The following COL4A2 variants were observed in gnomAD, a reference collection of about 807,000 sequenced individuals.
The protein encoded by COL4A2 is collagen type IV alpha 2 chain, also known as collagen alpha-2(IV) chain.
COL4A2 carries 99 observed loss-of-function variants against 200.2 expected under a neutral mutation model. The ratio of observed to expected loss-of-function variants is 0.49; its 90% CI spans 0.42 to 0.58. COL4A2 has a LOEUF of 0.58. Among genes scored for constraint, COL4A2 ranks in the 20% least tolerant of loss-of-function variants. The pLI is 0.00. For synonymous variants in COL4A2, 897 were observed against 900.6 expected (o/e 1.00, Z 0.07); for missense variants, 1,950 against 2,314.1 (o/e 0.84, Z 3.23).
At chr13:110,409,512 C>T (rs991294831) in intron 4 of COL4A2, among the ~76,000 whole-genome samples, 8 of 152,240 alleles carry the variant, frequency 5.3e-5, no homozygotes, top group East Asian at 1.9e-4. Flanking sequence ...GGGAGCAGCA[C>T]GGCTGCACTC....
intron 30 of COL4A2, among the ~76,000 whole-genome samples, chr13:110,479,219 G>T (rs1158164263): frequency 1.3e-5 from 2 of 151,722 alleles, no homozygotes; most frequent in Non-Finnish European, 2.9e-5. Flanking sequence ...CCATGGGAAA[G>T]CCTGTCCTGA....
intron 24 of COL4A2, among the ~76,000 whole-genome samples, chr13:110,463,861 T>G (rs1882129526): frequency 6.6e-6 from 1 of 152,188 alleles, no homozygotes. Context: ...TAAGTGCAGT[T>G]TTTTGGGGCC....
chr13:110,459,490 G>C lies in COL4A2; in HGVS notation c.1596+556G>C, dbSNP rs546347706. 2.1e-5 allele frequency: 3 copies of C among 143,496 alleles called. No homozygotes were observed. In the South Asian group the frequency reaches 6.8e-4, roughly 32 times the overall value. 8.9% of individuals were successfully genotyped at this position (143,496 alleles called of 1,614,324 possible). ...CACAGAAGGACACATGCTATCACAT[G>C]GTCTCTCATTCTATTCTTATGAAAT... On this transcript the variant is annotated intron_variant, in intron 22 of 47. Coordinates refer to ENST00000360467, the MANE Select transcript of COL4A2 (RefSeq NM_001846.4).
intron 22 of COL4A2, 44 bp downstream of exon 22, chr13:110,458,978 C>T: frequency 6.8e-7 from 1 of 1,481,028 alleles, no homozygotes; most frequent in South Asian, 1.4e-5. Context: ...CACTCTGAGG[C>T]CTCCCCAGGT....
chr13:110,449,905 C>A, intron 19 of COL4A2, 116 bp downstream of exon 19: 1 of 1,178,454 alleles, frequency 8.5e-7, no homozygotes, highest in Non-Finnish European at 1.2e-6. Context: ...CTTTTCCCCA[C>A]TGACTAGTCT....
intron 3 of COL4A2, among the ~76,000 whole-genome samples, chr13:110,345,956 TTCATGATGACA>T (rs1566484824): frequency 6.6e-6 from 1 of 152,204 alleles, no homozygotes; most frequent in Non-Finnish European, 1.5e-5. Context: ...GTGTGTCCAC[TTCATGATGACA>T]TCAAGAAGAT....
rs538194926 is a variant in COL4A2, at chr13:110,472,606, T to C, written c.2204-323T>C. Among the ~76,000 whole-genome samples the C allele has an allele frequency of 3.3e-5, 5 of 152,230 alleles. No individual in the cohort carries two copies. The South Asian group carries it at 1.0e-3, about 32-fold the overall frequency. ...TAGAAGGTCCCACAAAAAGCTATTC[T>C]TTGGGGCTTATTTGCAAAGCAGGGG... On this transcript the variant is annotated intron_variant, in intron 28 of 47. Transcript: ENST00000360467.
At position 110,505,176 on chromosome 13, in the gene COL4A2, C is replaced by T. The variant is rs372285400; in HGVS notation, c.4402+912C>T. On this transcript the variant is annotated intron_variant, in intron 45 of 47. Transcript: ENST00000360467. ...CCATCCTGGCTAACACGGTGAAACCCCGTCTCTACTAAAAATACAAAAAAT... is the reference window on the plus strand; with the variant it reads ...CCATCCTGGCTAACACGGTGAAACCTCGTCTCTACTAAAAATACAAAAAAT... Among the ~76,000 whole-genome samples the T allele has an allele frequency of 3.2e-4, 48 of 151,356 alleles. No homozygotes were observed. In the South Asian group the frequency reaches 4.0e-3, roughly 13 times the overall value.
chr13:110,405,816 A>G (rs1879546114), intron 4 of COL4A2, among the ~76,000 whole-genome samples: 1 of 152,182 alleles, frequency 6.6e-6, no homozygotes, highest in Non-Finnish European at 1.5e-5. Flanking sequence ...CTTGGTTTTA[A>G]TGCTGCTCAA....
rs9559789 is a variant in COL4A2, at chr13:110,400,114, G to A, written c.181-24620G>A. On this transcript the variant is annotated intron_variant, in intron 4 of 47. Transcript: ENST00000360467. ...ACTGCTTCTGCAACCTCACTAACTA[G>A]CCAGCCTAGATAGGAAACTCCCTTC... 2.6e-5 allele frequency among the ~76,000 whole-genome samples: 4 copies of A among 151,950 alleles called. No homozygotes were observed. In the South Asian group the frequency reaches 8.3e-4, roughly 32 times the overall value.
rs910567735 is a variant in COL4A2 at position 110,485,974 on chromosome 13, C to T, written c.3207+138C>T. On this transcript the variant is annotated intron_variant, in intron 34 of 47. Transcript: ENST00000360467. ...AGGGCAGCCTCAGGCTTGGTGGGGT[C>T]CACACAGCCCTGGAAGGAGCTGCTG... 2.2e-6 allele frequency: 3 copies of T among 1,361,918 alleles called. No homozygotes were observed. In the African/African-American group the frequency reaches 4.4e-5, roughly 20 times the overall value. The allele number at this position is 1,361,918 out of a possible 1,614,324, so 84.4% of individuals were successfully genotyped here. A position where few individuals can be genotyped will look rare whatever the true frequency, so the allele number is the denominator to read the frequency against.
chr13:110,473,156 T>G lies in COL4A2; in HGVS notation c.2425+6T>G. ...AGGCCCCCCTGGATTCAGAGGTGAG[T>G]GCCCCATCGGGGAGCCGGGGGCCCC... On this transcript the variant is annotated splice_donor_region_variant and intron_variant, in intron 29 of 47. Transcript: ENST00000360467. 1 of 1,551,366 alleles carries G rather than the reference T, an allele frequency of 6.4e-7. No homozygotes were observed.
chr13:110,338,788 C>T (rs570032802), intron 3 of COL4A2, among the ~76,000 whole-genome samples: 37 of 152,370 alleles, frequency 2.4e-4, no homozygotes, highest in African/African-American at 8.2e-4. Context: ...TGCTCTTCGC[C>T]GCCCTCCCAG....
chr13:110,385,764 G>A (rs796226214), intron 4 of COL4A2, among the ~76,000 whole-genome samples: 806 of 1,338 alleles, frequency 0.6, 335 homozygotes, highest in Middle Eastern at 0.83. Context: ...GGCCGTGGTT[G>A]CAGTGCGTGG....
intron 8 of COL4A2, 78 bp from the exon 9 acceptor site, chr13:110,430,323 C>T (rs751650085): frequency 5.6e-5 from 88 of 1,572,676 alleles, no homozygotes; most frequent in Non-Finnish European, 6.9e-5. Context: ...ATGCTTATTT[C>T]CAACTCTGCA....
intron 4 of COL4A2, among the ~76,000 whole-genome samples, chr13:110,358,933 C>T (rs753412568): frequency 2.0e-5 from 3 of 151,926 alleles, no homozygotes; most frequent in South Asian, 2.1e-4. Flanking sequence ...TAAGTACGTA[C>T]GTGTGTTTGC....
chr13:110,477,862 C>A, intron 29 of COL4A2, 141 bp from the exon 30 acceptor site: 1 of 823,724 alleles, frequency 1.2e-6, no homozygotes. Context: ...ATCCTTTATA[C>A]TTCTTTGTGT....
intron 46 of COL4A2, 55 bp from the exon 47 acceptor site, chr13:110,507,880 C>G (rs1261328398): frequency 5.1e-5 from 79 of 1,560,988 alleles, no homozygotes; most frequent in Non-Finnish European, 6.7e-5. Context: ...CTGGGGCTGG[C>G]AGGTGCGTCT....
Position 110,307,649 on chromosome 13 carries a change from G to C in COL4A2, c.-45+121G>C. 1 of 566,282 alleles carries C rather than the reference G, an allele frequency of 1.8e-6. No individual in the cohort carries two copies. The highest frequency in any genetic ancestry group is 3.1e-6 in the Non-Finnish European group (1 of 321,778). The allele number at this position is 566,282 out of a possible 1,614,324, so 35.1% of individuals were successfully genotyped here. On this transcript the variant is annotated intron_variant, in intron 1 of 47. Transcript: ENST00000360467. The surrounding 1 kb of genome is among the most constrained non-coding windows in gnomAD (Gnocchi z 5.0). ...GAGTAGAAAGGGGGAGGGTGGGAGA[G>C]CGAAGACCGAGCTCCTCGGCCAAGG...
Sources: gnomAD v4.1 joint callset for allele counts (sites outside exome capture counted in the v4.1 genomes callset) on GRCh38, gnomAD v4.1.1 for gene constraint, Gnocchi (gnomAD v3.1) non-coding constraint, MANE v1.5 for transcripts, NCBI Gene and HGNC (gene_info 2026-07-23, HGNC 2026-07-21) for gene names.